Variants in CRPPA observed in about 807,000 individuals in gnomAD.
The protein encoded by CRPPA is D-ribitol-5-phosphate cytidylyltransferase.
Under a neutral mutation model 52.0 loss-of-function variants are expected in CRPPA, and 43 were observed. The observed-to-expected ratio is 0.83, with a 90% confidence interval of 0.65 to 1.07. The LOEUF (loss-of-function observed/expected upper bound fraction) is 1.07. Ranked by LOEUF, CRPPA falls within the 50% of genes least tolerant of loss-of-function variation. The pLI is 0.00. For missense variants in CRPPA, 629 were observed against 551.7 expected, an observed-to-expected ratio of 1.14 and a Z score of -1.40; for synonymous variants, 250 against 203.5, an observed-to-expected ratio of 1.23 and a Z score of -1.94.
rs187666118 is a variant in CRPPA, at chr7:16,368,255, G to A, written c.684+7837C>T. On this transcript the variant is annotated intron_variant, in intron 3 of 9. Transcript: ENST00000407010. The stretch of plus-strand genomic sequence containing the variant: ...GCTTTTCTTCATGTTCCTGAAGATC[G>A]CATAGTTTCCACTCTTGAAATTTGT... 1.8e-3 allele frequency among the ~76,000 whole-genome samples: 280 copies of A among 152,222 alleles called. 1 individual carries two copies. The highest frequency in any genetic ancestry group is 6.6e-3 in the African/African-American group (273 of 41,532).
At chr7:16,135,424 T>C (rs1782746229) in intron 9 of CRPPA, among the ~76,000 whole-genome samples, 1 of 152,148 alleles carries the variant, frequency 6.6e-6, no homozygotes, top group Admixed American at 6.5e-5. Flanking sequence ...TTTCTTCAAC[T>C]TATTTGGAAT....
intron 2 of CRPPA, among the ~76,000 whole-genome samples, chr7:16,399,693 G>C (rs7778635): frequency 0.2 from 31,090 of 152,008 alleles, 5,131 homozygotes; most frequent in African/African-American, 0.45. Flanking sequence ...TGACACGTGA[G>C]CAACACGTGA....
At chr7:16,312,864 T>C (rs1785063107) in intron 3 of CRPPA, among the ~76,000 whole-genome samples, 1 of 151,982 alleles carries the variant, frequency 6.6e-6, no homozygotes, top group South Asian at 2.1e-4. Flanking sequence ...TGCCTATTGA[T>C]GTGATGAAAT....
intron 2 of CRPPA, among the ~76,000 whole-genome samples, chr7:16,379,694 G>C (rs1787020470): frequency 1.3e-5 from 2 of 152,094 alleles, no homozygotes; most frequent in Admixed American, 1.3e-4. Context: ...TCTCCTTGAA[G>C]AGGTCCTTCA....
intron 9 of CRPPA, among the ~76,000 whole-genome samples, chr7:16,114,006 G>C (rs1782317996): frequency 6.6e-6 from 1 of 151,686 alleles, no homozygotes; most frequent in Non-Finnish European, 1.5e-5. Flanking sequence ...CAAAATACTG[G>C]GTAAGAACAG....
At chr7:16,332,451 T>A (rs1341456605) in intron 3 of CRPPA, among the ~76,000 whole-genome samples, 2 of 152,298 alleles carry the variant, frequency 1.3e-5, no homozygotes, top group East Asian at 3.9e-4. Context: ...TCTTCTTAAA[T>A]GTGTACATAT....
chr7:16,174,901 G>C (rs1301182150), intron 9 of CRPPA, among the ~76,000 whole-genome samples: 3 of 152,272 alleles, frequency 2.0e-5, no homozygotes, highest in African/African-American at 7.2e-5. Context: ...CTTTGTCAGA[G>C]AGAAGGGGTT....
intron 9 of CRPPA, among the ~76,000 whole-genome samples, chr7:16,206,807 A>G (rs576291622): frequency 6.6e-6 from 1 of 152,124 alleles, no homozygotes; most frequent in African/African-American, 2.4e-5. Context: ...TAAAATCCAG[A>G]GTCTAAAAGG....
chr7:16,396,368 T>C (rs960152452), intron 2 of CRPPA, among the ~76,000 whole-genome samples: 14 of 152,136 alleles, frequency 9.2e-5, no homozygotes, highest in African/African-American at 3.1e-4. Flanking sequence ...CACAATATGG[T>C]AACACCTTAC....
intron 6 of CRPPA, among the ~76,000 whole-genome samples, chr7:16,274,188 T>TACA (rs1452326167): frequency 6.6e-6 from 1 of 152,176 alleles, no homozygotes; most frequent in Admixed American, 6.5e-5. Context: ...TAGCTGGGAC[T>TACA]ACAGATGCCC....
At chr7:16,190,552 C>T (rs1007232809) in intron 9 of CRPPA, among the ~76,000 whole-genome samples, 5 of 152,224 alleles carry the variant, frequency 3.3e-5, no homozygotes, top group Middle Eastern at 3.4e-3. Context: ...CTATTCCTCC[C>T]GTTGAATTTT....
In CRPPA at chr7:16,286,172, G is replaced by C. The variant is rs1216597988; in HGVS notation, c.836-7946C>G. On this transcript the variant is annotated intron_variant, in intron 5 of 9. Transcript: ENST00000407010. ...TTCCTGGCTCTGATGGTTAATTTGT[G>C]TATCAACTTGACTGGACCACAGGGT... Among the ~76,000 whole-genome samples the C allele has an allele frequency of 1.1e-4, 15 of 142,384 alleles. No individual in the cohort carries two copies. The South Asian group carries it at 2.9e-3, about 27-fold the overall frequency. The allele number at this position is 142,384 out of a possible 152,430, so 93.4% of individuals were successfully genotyped here.
At chr7:16,420,745 A>G (rs1316910707) in intron 1 of CRPPA, among the ~76,000 whole-genome samples, 1 of 152,132 alleles carries the variant, frequency 6.6e-6, no homozygotes, top group Admixed American at 6.5e-5. Context: ...GCTTCTCCTC[A>G]GGCCCCACAG....
chr7:16,209,199 T>C (rs1782051424), intron 9 of CRPPA: 2 of 318,294 alleles, frequency 6.3e-6, no homozygotes, highest in Non-Finnish European at 1.2e-5. Flanking sequence ...GAATGCTAGC[T>C]ATCAAAAGAT....
chr7:16,360,101 C>T (rs765746827), intron 3 of CRPPA, among the ~76,000 whole-genome samples: 37 of 152,162 alleles, frequency 2.4e-4, no homozygotes, highest in Non-Finnish European at 4.7e-4. Flanking sequence ...CAGATGTTCA[C>T]GTCTTGTTAA....
At chr7:16,414,107 C>G (rs575468532) in intron 1 of CRPPA, among the ~76,000 whole-genome samples, 1 of 152,130 alleles carries the variant, frequency 6.6e-6, no homozygotes, top group South Asian at 2.1e-4. Flanking sequence ...AGCATGAAAC[C>G]ATCTAAAGGA....
At chr7:16,280,656 G>T (rs1218523095) in intron 5 of CRPPA, among the ~76,000 whole-genome samples, 1 of 152,036 alleles carries the variant, frequency 6.6e-6, no homozygotes, top group African/African-American at 2.4e-5. Context: ...TACCCAACAT[G>T]TGTACAGTAA....
intron 9 of CRPPA, among the ~76,000 whole-genome samples, chr7:16,204,738 G>GT (rs1274655586): frequency 5.3e-5 from 8 of 152,148 alleles, no homozygotes; most frequent in Non-Finnish European, 8.8e-5. Context: ...ATTCATTCAA[G>GT]TTTAGCACCA....
At chr7:16,174,539 C>G (rs894631401) in intron 9 of CRPPA, among the ~76,000 whole-genome samples, 1 of 151,996 alleles carries the variant, frequency 6.6e-6, no homozygotes. Flanking sequence ...AGAATAATTA[C>G]AAATTAATAG....
Sources: gnomAD v4.1 joint callset for allele counts (sites outside exome capture counted in the v4.1 genomes callset) on GRCh38, gnomAD v4.1.1 for gene constraint, MANE v1.5 for transcripts, NCBI Gene and HGNC (gene_info 2026-07-23, HGNC 2026-07-21) for gene names.